Variants in FARS2 observed in about 807,000 individuals in gnomAD.
FARS2 encodes the protein phenylalanine--tRNA ligase, mitochondrial.
A neutral mutation model predicts 46.4 loss-of-function variants in FARS2; 40 were observed. The ratio of observed to expected loss-of-function variants is 0.86; its 90% CI spans 0.67 to 1.12. The LOEUF (loss-of-function observed/expected upper bound fraction) is 1.12, where lower values mean the gene tolerates loss of function less well. Among genes scored for constraint, FARS2 ranks in the 50% most tolerant of loss-of-function variants. The pLI is 0.00. For synonymous variants in FARS2, 234 were observed against 214.9 expected (o/e 1.09, Z -0.78); for missense variants, 513 against 567.9 (o/e 0.90, Z 0.98).
intron 5 of FARS2, among the ~76,000 whole-genome samples, chr6:5,598,269 G>A (rs930726349): frequency 3.9e-5 from 6 of 152,022 alleles, no homozygotes; most frequent in Non-Finnish European, 5.9e-5. Flanking sequence ...TGTAGTTCCC[G>A]CTACTCTGGA....
chr6:5,646,721 G>A (rs1173692492), intron 6 of FARS2, among the ~76,000 whole-genome samples: 1 of 151,764 alleles, frequency 6.6e-6, no homozygotes, highest in Non-Finnish European at 1.5e-5. Context: ...AGTCATCTCG[G>A]GATTATTTAT....
intron 6 of FARS2, among the ~76,000 whole-genome samples, chr6:5,652,801 G>T (rs1777431709): frequency 6.6e-6 from 1 of 152,242 alleles, no homozygotes; most frequent in Admixed American, 6.5e-5. Context: ...CAGTGACAGT[G>T]TCTGACTGCT....
intron 6 of FARS2, among the ~76,000 whole-genome samples, chr6:5,756,527 T>C (rs907553726): frequency 6.6e-6 from 1 of 152,086 alleles, no homozygotes; most frequent in Non-Finnish European, 1.5e-5. Flanking sequence ...GGGGAAGCAC[T>C]ACACACTTTC....
intron 4 of FARS2, among the ~76,000 whole-genome samples, chr6:5,526,071 G>A (rs1435456587): frequency 6.6e-6 from 1 of 152,182 alleles, no homozygotes; most frequent in African/African-American, 2.4e-5. Context: ...ATTATCCAGT[G>A]TTTCCTGTAT....
intron 6 of FARS2, among the ~76,000 whole-genome samples, chr6:5,724,015 G>T (rs946780230): frequency 1.3e-5 from 2 of 152,198 alleles, no homozygotes; most frequent in Non-Finnish European, 2.9e-5. Flanking sequence ...GAGAAAGAGT[G>T]GGCTCGGCGG....
chr6:5,616,010 T>TAAAAAAAAAAAA (rs11327256), intron 6 of FARS2, among the ~76,000 whole-genome samples: 4 of 95,830 alleles, frequency 4.2e-5, no homozygotes, highest in Non-Finnish European at 4.1e-5. Flanking sequence ...CCATAGCTCT[T>TAAAAAAAAAAAA]AAAAAAAAAA....
intron 6 of FARS2, among the ~76,000 whole-genome samples, chr6:5,660,064 T>C (rs868389783): frequency 4.6e-5 from 7 of 152,312 alleles, no homozygotes; most frequent in Non-Finnish European, 8.8e-5. Context: ...TTGTGCTCCA[T>C]GATGGAGTTC....
chr6:5,308,507 C>G (rs568515953), intron 1 of FARS2, among the ~76,000 whole-genome samples: 3 of 152,334 alleles, frequency 2.0e-5, no homozygotes, highest in African/African-American at 7.2e-5. Context: ...CTGCTGTACA[C>G]TGATACTGTT....
At chr6:5,595,849 C>T (rs140070674) in intron 5 of FARS2, among the ~76,000 whole-genome samples, 60 of 152,092 alleles carry the variant, frequency 3.9e-4, no homozygotes, top group African/African-American at 1.4e-3. Context: ...GGAGATTGGG[C>T]GATTGAGGAA....
At chr6:5,567,472 G>A (rs1772388077) in intron 5 of FARS2, among the ~76,000 whole-genome samples, 1 of 152,190 alleles carries the variant, frequency 6.6e-6, no homozygotes, top group Non-Finnish European at 1.5e-5. Context: ...AAGCATGATG[G>A]TTGAAAATAT....
At chr6:5,731,963 C>CGGCT (rs1053464226) in intron 6 of FARS2, among the ~76,000 whole-genome samples, 3 of 152,110 alleles carry the variant, frequency 2.0e-5, no homozygotes, top group African/African-American at 7.2e-5. Context: ...CCTGTAGAGC[C>CGGCT]GCACCTGGCC....
intron 5 of FARS2, among the ~76,000 whole-genome samples, chr6:5,563,799 A>G (rs943386213): frequency 2.6e-5 from 4 of 152,194 alleles, no homozygotes; most frequent in African/African-American, 7.2e-5. Context: ...TATAAGCAAG[A>G]AAGTGCTTAA....
chr6:5,267,147 G>T, intron 1 of FARS2, among the ~76,000 whole-genome samples: 1 of 88,190 alleles, frequency 1.1e-5, no homozygotes. Flanking sequence ...TATTTCTAGA[G>T]GTTTTTTTTC....
At chr6:5,738,049 C>T (rs1016998932) in intron 6 of FARS2, among the ~76,000 whole-genome samples, 11 of 152,324 alleles carry the variant, frequency 7.2e-5, no homozygotes, top group South Asian at 2.1e-4. Flanking sequence ...TTCTTAGGCT[C>T]ACGCAATCCT....
chr6:5,536,851 C>A (rs1770236436), intron 4 of FARS2, among the ~76,000 whole-genome samples: 1 of 152,198 alleles, frequency 6.6e-6, no homozygotes, highest in Non-Finnish European at 1.5e-5. Context: ...TTACATCTGG[C>A]TTCACTTAAA....
At chr6:5,356,875 A>G (rs1023051533) in intron 1 of FARS2, among the ~76,000 whole-genome samples, 1 of 152,098 alleles carries the variant, frequency 6.6e-6, no homozygotes, top group Non-Finnish European at 1.5e-5. Flanking sequence ...TTTCAACTAA[A>G]TGATTTTGTG....
At chr6:5,702,819 AAG>A (rs1360889781) in intron 6 of FARS2, among the ~76,000 whole-genome samples, 1 of 152,208 alleles carries the variant, frequency 6.6e-6, no homozygotes, top group Non-Finnish European at 1.5e-5. Context: ...ATTTAGGACT[AAG>A]AGAATGAGGA....
chr6:5,633,035 T>C (rs566460182), intron 6 of FARS2, among the ~76,000 whole-genome samples: 1 of 152,030 alleles, frequency 6.6e-6, no homozygotes, highest in Admixed American at 6.6e-5. Context: ...ACACTGAGAG[T>C]ATTGGATTTT....
intron 4 of FARS2, among the ~76,000 whole-genome samples, chr6:5,495,170 T>C (rs907366695): frequency 6.6e-6 from 1 of 152,210 alleles, no homozygotes. Flanking sequence ...GAGGTCAAAA[T>C]GTGACTCAGG....
Sources: allele counts gnomAD v4.1 joint callset (sites outside exome capture counted in the v4.1 genomes callset), GRCh38; gene constraint gnomAD v4.1.1; transcripts MANE v1.5; gene names NCBI Gene and HGNC (gene_info 2026-07-23, HGNC 2026-07-21).